ABCA7: variants seen among roughly 807,000 people sequenced by gnomAD.
ABCA7 encodes the protein phospholipid-transporting ATPase ABCA7.
Under a neutral mutation model 227.6 loss-of-function variants are expected in ABCA7, and 261 were observed. That is an observed-to-expected ratio of 1.15 (90% CI 1.04 to 1.27). The LOEUF is 1.27. ABCA7 is among the 50% of genes most tolerant of loss of function. The pLI is 0.00. For missense variants in ABCA7, 3,331 were observed against 2,924.5 expected (o/e 1.14, Z -3.21); for synonymous variants, 1,488 against 1,279.7 (o/e 1.16, Z -3.47).
rs370047554 is a variant in ABCA7 at position 1,046,267 on chromosome 19, G to T, written c.1483G>T (p.Asp495Tyr). The stretch of plus-strand genomic sequence containing the variant: ...TGGCCCAGCCGCGGACCCCCTGACC[G>T]ACCTGCGCTACGTGTGGGGCGGCTT... ...DPGPAADPLT[D>Y]LRYVWGGFVY... Residue 495 changes from aspartate (D) to tyrosine (Y), a missense_variant, in exon 13 of 47, where the codon GAC becomes TAC. By Grantham distance (160) the Asp-to-Tyr change is radical. Coordinates refer to ENST00000263094, the MANE Select transcript of ABCA7 (RefSeq NM_019112.4). 1 of 1,607,008 alleles carries T rather than the reference G, an allele frequency of 6.2e-7. No homozygotes were observed. Among genetic ancestry groups the T allele is most frequent in the African/African-American group, 1.3e-5 (1 of 75,034 alleles).
At chr19:1,064,063 A>G in intron 44 of ABCA7, 98 bp from the exon 45 acceptor site, 3 of 1,383,322 alleles carry the variant, frequency 2.2e-6, no homozygotes, top group East Asian at 2.5e-5. Flanking sequence ...GGAGATGTCC[A>G]CACCAGAAGG....
At chr19:1,047,812 G>A (rs1443996423) in intron 16 of ABCA7, among the ~76,000 whole-genome samples, 158 bp downstream of exon 16, 1 of 152,136 alleles carries the variant, frequency 6.6e-6, no homozygotes, top group Non-Finnish European at 1.5e-5. Context: ...TGGCTGCATT[G>A]GAGGGGCGGG....
intron 10 of ABCA7, among the ~76,000 whole-genome samples, 177 bp downstream of exon 10, chr19:1,044,018 A>C (rs1599562667): frequency 6.8e-6 from 1 of 147,282 alleles, no homozygotes. Context: ...ACTCACTGCA[A>C]CCTCCACCTC....
intron 1 of ABCA7, among the ~76,000 whole-genome samples, chr19:1,040,517 C>G (rs2039919383): frequency 6.6e-6 from 1 of 152,192 alleles, no homozygotes; most frequent in Non-Finnish European, 1.5e-5. Flanking sequence ...GGAAAGAACC[C>G]TGGCGTAAGG....
In ABCA7 at chr19:1,046,360, G is replaced by C; in HGVS notation, c.1576G>C (p.Gly526Arg). ...GCTCAGCGGCGCCAACCCCCGGGCCGGCCTCTACCTGCAGCAGATGCCCTA... is the reference window on the plus strand; with the variant it reads ...GCTCAGCGGCGCCAACCCCCGGGCCCGCCTCTACCTGCAGCAGATGCCCTA... ...RVLSGANPRAGLYLQQMPYPC... is the reference protein window; with the variant it reads ...RVLSGANPRARLYLQQMPYPC... The change falls in exon 13 of 47, where the codon GGC (glycine) becomes CGC (arginine). Residue 526 changes from glycine to arginine, a missense_variant. Coordinates refer to ENST00000263094, the MANE Select transcript of ABCA7 (RefSeq NM_019112.4). 6.3e-7 allele frequency: 1 copy of C among 1,595,592 alleles called. No individual in the cohort carries two copies. The highest frequency in any genetic ancestry group is 8.5e-7 in the Non-Finnish European group (1 of 1,175,210).
rs1599680027 is a variant in ABCA7 at position 1,055,282 on chromosome 19, T to G, written c.4136T>G (p.Val1379Gly). 6.2e-7 allele frequency: 1 copy of G among 1,604,812 alleles called. No homozygotes were observed. Among genetic ancestry groups the G allele is most frequent in the Non-Finnish European group, 8.5e-7 (1 of 1,176,694 alleles). ...PQAVTGSGEV[V>G]QNLTGRNLSD... ...GCAGTGACCGGCTCTGGGGAAGTGG[T>G]TCAGAACCTGACAGGCCGGAACCTG... The change falls in exon 30 of 47, where the codon GTT becomes GGT. Residue 1379 changes from valine to glycine, a missense_variant. Transcript: ENST00000263094.
chr19:1,061,018 A>G (rs1249465410), intron 40 of ABCA7, among the ~76,000 whole-genome samples: 1 of 152,132 alleles, frequency 6.6e-6, no homozygotes, highest in Non-Finnish European at 1.5e-5. Context: ...GCTAAGTGAC[A>G]GCTTTATGCC....
chr19:1,040,401 C>T (rs556627637), intron 1 of ABCA7, among the ~76,000 whole-genome samples: 19 of 152,300 alleles, frequency 1.2e-4, no homozygotes, highest in Non-Finnish European at 2.5e-4. Flanking sequence ...CGATCACACA[C>T]CTGCAGCCCC....
intron 35 of ABCA7, among the ~76,000 whole-genome samples, chr19:1,057,708 C>T (rs1024270699): frequency 6.7e-6 from 1 of 149,798 alleles, no homozygotes; most frequent in African/African-American, 2.5e-5. Context: ...AGTTTGAGAC[C>T]AGCCTGGGAA....
chr19:1,045,035 T>A lies in ABCA7; in HGVS notation c.1249T>A (p.Ser417Thr). 6.2e-7 allele frequency: 1 copy of A among 1,612,740 alleles called. No individual in the cohort carries two copies. The highest frequency in any genetic ancestry group is 8.5e-7 in the Non-Finnish European group (1 of 1,179,952). The change falls in exon 12 of 47, where the codon TCA (serine) becomes ACA (threonine). Residue 417 changes from serine (S) to threonine (T), a missense_variant. Physicochemically the swap from Ser to Thr is moderately conservative, Grantham distance 58. Coordinates refer to ENST00000263094, the MANE Select transcript of ABCA7 (RefSeq NM_019112.4). ...LSLDKLEAAP[S>T]EAALVSRALQ... ...CTTGGACAAGCTGGAGGCGGCACCC[T>A]CAGAGGCAGCCCTGGTGTCGCGGGC... is the stretch of plus-strand genomic sequence containing the variant.
intron 6 of ABCA7, 127 bp from the exon 7 acceptor site, chr19:1,042,619 A>T (rs1301248993): frequency 8.9e-7 from 1 of 1,128,674 alleles, no homozygotes; most frequent in Non-Finnish European, 1.3e-6. Context: ...TTTGCCTCTC[A>T]GAGCCTCAGT....
At chr19:1,041,093 G>T in intron 1 of ABCA7, 132 bp from the exon 2 acceptor site, 1 of 572,058 alleles carries the variant, frequency 1.7e-6, no homozygotes. Flanking sequence ...TGTCAGCCCT[G>T]CTCAGAGCGA....
chr19:1,044,750 G>A lies in ABCA7; in HGVS notation c.1215+6G>A, dbSNP rs759086782. On this transcript the variant is annotated splice_donor_region_variant and intron_variant, in intron 11 of 46. Coordinates refer to ENST00000263094, the MANE Select transcript of ABCA7 (RefSeq NM_019112.4). ...CGCTGGGCCGAGTGACGGAGGTGAG[G>A]GCCTGTCCACCTGCGGGGTCTGTTT... 3.1e-6 allele frequency: 5 copies of A among 1,598,352 alleles called. No homozygotes were observed. The highest frequency in any genetic ancestry group is 2.7e-5 in the African/African-American group (2 of 74,714).
Position 1,041,386 on chromosome 19 carries a change from C to A in ABCA7, c.25C>A (p.Leu9Met), listed in dbSNP as rs745358099. 7.8e-5 allele frequency: 126 copies of A among 1,614,054 alleles called. 1 individual carries two copies. The Middle Eastern group carries it at 3.3e-3, about 42-fold the overall frequency. ...CATGGCCTTCTGGACACAGCTGATG[C>A]TGCTGCTCTGGAAGAATTTCATGTA... MAFWTQLM[L>M]LLWKNFMYRR... is the part of the protein sequence containing the mutation. The change falls in exon 2 of 47, where the codon CTG (leucine) becomes ATG (methionine). Residue 9 changes from leucine (L) to methionine (M), a missense_variant. Coordinates refer to ENST00000263094, the MANE Select transcript of ABCA7 (RefSeq NM_019112.4).
chr19:1,058,045 C>T lies in ABCA7; in HGVS notation c.5011C>T (p.Leu1671Phe). Residue 1671 changes from leucine (L) to phenylalanine (F), a missense_variant, in exon 36 of 47, where the codon CTC becomes TTC. Physicochemically the swap from Leu to Phe is conservative, Grantham distance 22 (BLOSUM62 0). Coordinates refer to ENST00000263094, the MANE Select transcript of ABCA7 (RefSeq NM_019112.4). Reference sequence around the variant, plus strand: ...AAGCATGGCCACCTTTGTGCTTGAGCTCTTCTCTGATCAGGTGGGGCACCA... The same window carrying T: ...AAGCATGGCCACCTTTGTGCTTGAGTTCTTCTCTGATCAGGTGGGGCACCA... ...NGSMATFVLELFSDQKLQEVS... is the reference protein window; with the variant it reads ...NGSMATFVLEFFSDQKLQEVS... The T allele has an allele frequency of 1.5e-5, 24 of 1,614,150 alleles. No homozygotes were observed. The highest frequency in any genetic ancestry group is 1.9e-5 in the Non-Finnish European group (23 of 1,180,028).
intron 12 of ABCA7, among the ~76,000 whole-genome samples, chr19:1,045,938 C>T (rs1027077648): frequency 2.6e-5 from 4 of 152,150 alleles, no homozygotes; most frequent in African/African-American, 7.2e-5. Context: ...ACCCAGGAGG[C>T]GGAGGTTGCA....
At chr19:1,045,375 G>A (rs2040518529) in intron 12 of ABCA7, 144 bp downstream of exon 12, 1 of 885,440 alleles carries the variant, frequency 1.1e-6, no homozygotes, top group Admixed American at 2.6e-5. Flanking sequence ...GCCAGAGCCC[G>A]GGGCTCCTTA....
Position 1,046,849 on chromosome 19 carries a change from C to T in ABCA7, c.1670C>T (p.Ala557Val). Residue 557 changes from alanine to valine, a missense_variant, in exon 14 of 47, where the codon GCC becomes GTC. By Grantham distance (64) the Ala-to-Val change is moderately conservative (BLOSUM62 0). Coordinates refer to ENST00000263094, the MANE Select transcript of ABCA7 (RefSeq NM_019112.4). ...TCGCTGCCGCTCTTCCTGACGCTGG[C>T]CTGGATCTACTCCGTGACACTGACA... ...SRSLPLFLTL[A>V]WIYSVTLTVK... 1 of 1,542,804 alleles carries T rather than the reference C, an allele frequency of 6.5e-7. No homozygotes were observed.
chr19:1,041,260 T>G lies in ABCA7; in HGVS notation c.-102T>G. The G allele has an allele frequency of 1.7e-6, 2 of 1,168,124 alleles. No individual in the cohort carries two copies. The highest frequency in any genetic ancestry group is 2.6e-6 in the Non-Finnish European group (2 of 781,142). The allele number at this position is 1,168,124 out of a possible 1,614,324, so 72.4% of individuals were successfully genotyped here. A position where few individuals can be genotyped will look rare whatever the true frequency, so the allele number is the denominator to read the frequency against. On this transcript the variant is annotated 5_prime_UTR_variant, in exon 2 of 47. The change abolishes an upstream ATG in the 5' untranslated region. Coordinates refer to ENST00000263094, the MANE Select transcript of ABCA7 (RefSeq NM_019112.4). ...AACCCTGCGCTGTGGGATAAAGGAA[T>G]GAGGTTCAGAAAGGGGCAGGGAGTT... is the stretch of plus-strand genomic sequence containing the variant.
Sources: allele counts gnomAD v4.1 joint callset (sites outside exome capture counted in the v4.1 genomes callset), GRCh38; gene constraint gnomAD v4.1.1; transcripts MANE v1.5; gene names NCBI Gene and HGNC (gene_info 2026-07-23, HGNC 2026-07-21).